Variants in STON2 observed in about 807,000 individuals in gnomAD.
STON2 encodes the protein stonin 2, also known as stonin-2.
STON2 carries 29 observed loss-of-function variants against 65.7 expected under a neutral mutation model. That is an observed-to-expected ratio of 0.44 (90% CI 0.33 to 0.60). The LOEUF (loss-of-function observed/expected upper bound fraction) is 0.60. Among genes scored for constraint, STON2 ranks in the 20% least tolerant of loss-of-function variants. The pLI, the probability that STON2 is intolerant of heterozygous loss-of-function variation, is 0.03. For missense variants in STON2, 1,054 were observed against 1,118.1 expected, an observed-to-expected ratio of 0.94 and a Z score of 0.82; for synonymous variants, 404 against 414.2, an observed-to-expected ratio of 0.98 and a Z score of 0.30.
intron 5 of STON2, among the ~76,000 whole-genome samples, chr14:81,322,669 G>A (rs1415653279): frequency 6.6e-6 from 1 of 152,210 alleles, no homozygotes; most frequent in Non-Finnish European, 1.5e-5. Context: ...ACTTGGAAGA[G>A]GGGCATTCAC....
At chr14:81,435,775 T>C (rs1466058480) in intron 1 of STON2, among the ~76,000 whole-genome samples, 4 of 152,102 alleles carry the variant, frequency 2.6e-5, no homozygotes, top group Non-Finnish European at 5.9e-5. Flanking sequence ...GCAAATTGCT[T>C]GGCAACGCGC....
chr14:81,314,994 G>T (rs565568534), intron 5 of STON2, among the ~76,000 whole-genome samples: 70 of 152,234 alleles, frequency 4.6e-4, no homozygotes, highest in Non-Finnish European at 7.9e-4. Context: ...ACAGGCGTGA[G>T]CCACCATGCC....
At chr14:81,370,843 G>C (rs1048416123) in intron 4 of STON2, 145 bp downstream of exon 4, 1 of 703,382 alleles carries the variant, frequency 1.4e-6, no homozygotes, top group East Asian at 2.6e-5. Context: ...AGCCACTTTG[G>C]GTTCTAGCTT....
chr14:81,329,014 C>T (rs1173511094), intron 4 of STON2, among the ~76,000 whole-genome samples: 3 of 152,124 alleles, frequency 2.0e-5, no homozygotes, highest in Non-Finnish European at 2.9e-5. Context: ...TATAGCAACA[C>T]AAAATAGACT....
intron 4 of STON2, among the ~76,000 whole-genome samples, chr14:81,362,031 T>C (rs933388931): frequency 1.3e-5 from 2 of 152,146 alleles, no homozygotes; most frequent in African/African-American, 4.8e-5. Flanking sequence ...AACCCTTGTA[T>C]AATGTTGGTG....
intron 5 of STON2, among the ~76,000 whole-genome samples, chr14:81,288,484 C>G (rs182584688): frequency 6.6e-6 from 1 of 152,146 alleles, no homozygotes; most frequent in Non-Finnish European, 1.5e-5. Context: ...CAATTATAAG[C>G]GTTTGTATAC....
At chr14:81,357,014 C>T (rs1008603325) in intron 4 of STON2, among the ~76,000 whole-genome samples, 7 of 152,028 alleles carry the variant, frequency 4.6e-5, no homozygotes, top group African/African-American at 1.7e-4. Flanking sequence ...TCTAAAACAC[C>T]AAAAGCAATG....
chr14:81,311,113 T>TGAC (rs1342512398), intron 5 of STON2, among the ~76,000 whole-genome samples: 2 of 152,204 alleles, frequency 1.3e-5, no homozygotes, highest in African/African-American at 4.8e-5. Context: ...GGGACTTAGA[T>TGAC]GACCACTTCT....
At chr14:81,343,781 C>G (rs1447742331) in intron 4 of STON2, among the ~76,000 whole-genome samples, 1 of 152,156 alleles carries the variant, frequency 6.6e-6, no homozygotes, top group Non-Finnish European at 1.5e-5. Context: ...TGTACCTGGT[C>G]TCACTTAAAC....
At chr14:81,408,918 G>C (rs1055253726) in intron 2 of STON2, among the ~76,000 whole-genome samples, 1 of 152,176 alleles carries the variant, frequency 6.6e-6, no homozygotes, top group African/African-American at 2.4e-5. Flanking sequence ...TGAACTCTTA[G>C]AAGACATTGA....
chr14:81,369,042 G>C (rs1595404989), intron 4 of STON2, among the ~76,000 whole-genome samples: 1 of 152,172 alleles, frequency 6.6e-6, no homozygotes, highest in African/African-American at 2.4e-5. Flanking sequence ...GGAAACACCA[G>C]CACCAGATTT....
chr14:81,331,461 C>T (rs1259365373), intron 4 of STON2, among the ~76,000 whole-genome samples: 1 of 152,142 alleles, frequency 6.6e-6, no homozygotes, highest in East Asian at 1.9e-4. Flanking sequence ...TCAGTGACTC[C>T]AGCATAGACT....
chr14:81,334,678 A>G lies in STON2; in HGVS notation c.572-10491T>C, dbSNP rs149862160. Among the ~76,000 whole-genome samples, 17 of 152,246 alleles carry G rather than the reference A, an allele frequency of 1.1e-4. No homozygotes were observed. The East Asian group carries it at 3.1e-3, about 28-fold the overall frequency. On this transcript the variant is annotated intron_variant, in intron 4 of 7. Coordinates refer to ENST00000614646, the MANE Select transcript of STON2 (RefSeq NM_001394390.1). ...CACATTGGCTGTTGTTACTTCTCCA[A>G]GTGAAGCTGAGCAGAAAACTACTGG...
intron 5 of STON2, among the ~76,000 whole-genome samples, chr14:81,301,904 A>G (rs1427561438): frequency 1.3e-5 from 2 of 152,202 alleles, no homozygotes; most frequent in Non-Finnish European, 2.9e-5. Flanking sequence ...CAATACAATA[A>G]TATTAAGTTT....
At chr14:81,364,861 AC>A (rs1053018193) in intron 4 of STON2, among the ~76,000 whole-genome samples, 25 of 152,118 alleles carry the variant, frequency 1.6e-4, no homozygotes, top group African/African-American at 5.6e-4. Flanking sequence ...GATTTTAGCC[AC>A]CCGTATGGTA....
chr14:81,333,012 C>T, intron 4 of STON2: 1 of 559,792 alleles, frequency 1.8e-6, no homozygotes, highest in South Asian at 2.0e-5. Flanking sequence ...CCCTGACTTT[C>T]CTCATTCTGT....
intron 5 of STON2, among the ~76,000 whole-genome samples, chr14:81,288,747 G>A (rs574286521): frequency 2.7e-5 from 4 of 150,140 alleles, no homozygotes; most frequent in African/African-American, 2.5e-5. Flanking sequence ...TTTTTGTTTC[G>A]GAGGTTAAAA....
At chr14:81,348,295 T>A (rs1897895357) in intron 4 of STON2, among the ~76,000 whole-genome samples, 1 of 152,026 alleles carries the variant, frequency 6.6e-6, no homozygotes, top group South Asian at 2.1e-4. Context: ...ATAAAAAGCA[T>A]CCCAATTTGA....
At chr14:81,301,766 T>C (rs1473843943) in intron 5 of STON2, among the ~76,000 whole-genome samples, 2 of 152,234 alleles carry the variant, frequency 1.3e-5, no homozygotes, top group African/African-American at 4.8e-5. Context: ...TGTAAAGAAC[T>C]GAGCCCATGC....
Sources: gnomAD v4.1 joint callset for allele counts (sites outside exome capture counted in the v4.1 genomes callset) on GRCh38, gnomAD v4.1.1 for gene constraint, MANE v1.5 for transcripts, NCBI Gene and HGNC (gene_info 2026-07-23, HGNC 2026-07-21) for gene names.